The following TRPM8 variants were observed in gnomAD, a reference collection of about 807,000 sequenced individuals.
The protein encoded by TRPM8 is transient receptor potential cation channel subfamily M member 8, also known as TRPM8 cationic channel.
Under a neutral mutation model 133.7 loss-of-function variants are expected in TRPM8, and 110 were observed. The observed-to-expected ratio is 0.82, with a 90% confidence interval of 0.70 to 0.96. TRPM8 has a LOEUF of 0.96. Among genes scored for constraint, TRPM8 ranks in the 40% least tolerant of loss-of-function variants. The probability of loss-of-function intolerance (pLI) is 0.00; values close to 1 mark genes in which losing one functional copy is unlikely to be tolerated. For synonymous variants in TRPM8, 535 were observed against 532.3 expected (o/e 1.01, Z -0.07); for missense variants, 1,291 against 1,379.5 (o/e 0.94, Z 1.02).
intron 11 of TRPM8, among the ~76,000 whole-genome samples, chr2:233,957,525 C>CA (rs1033256444): frequency 5.3e-5 from 8 of 151,326 alleles, no homozygotes; most frequent in Admixed American, 3.9e-4. Context: ...ACCCAAAAAA[C>CA]AAAAAAACAA....
At chr2:234,014,955 G>A (rs1057096265) in intron 25 of TRPM8, among the ~76,000 whole-genome samples, 2 of 152,108 alleles carry the variant, frequency 1.3e-5, no homozygotes, top group African/African-American at 2.4e-5. Context: ...AGCTATTTTG[G>A]CATGAATTGA....
chr2:233,986,938 G>T (rs1034951175), intron 21 of TRPM8, among the ~76,000 whole-genome samples: 1 of 152,216 alleles, frequency 6.6e-6, no homozygotes, highest in Non-Finnish European at 1.5e-5. Flanking sequence ...CCCAGCAGAT[G>T]AACGAAAGTT....
intron 13 of TRPM8, 134 bp from the exon 14 acceptor site, chr2:233,964,494 G>A: frequency 1.4e-6 from 1 of 719,022 alleles, no homozygotes; most frequent in Non-Finnish European, 1.8e-6. Flanking sequence ...GGAGGTTGCA[G>A]TGAGCCAAGA....
chr2:234,000,431 G>A (rs997461186), intron 22 of TRPM8, among the ~76,000 whole-genome samples: 1 of 152,104 alleles, frequency 6.6e-6, no homozygotes, highest in Non-Finnish European at 1.5e-5. Flanking sequence ...TTTTAAAAAT[G>A]CATGAACTTG....
At chr2:234,007,110 G>A (rs1167094222) in intron 23 of TRPM8, among the ~76,000 whole-genome samples, 158 bp downstream of exon 23, 3 of 152,114 alleles carry the variant, frequency 2.0e-5, no homozygotes, top group South Asian at 2.1e-4. Flanking sequence ...GATGACAAAC[G>A]CGTAAGTGTG....
chr2:234,006,682 A>G (rs991026197), intron 22 of TRPM8, among the ~76,000 whole-genome samples, 171 bp from the exon 23 acceptor site: 10 of 152,202 alleles, frequency 6.6e-5, no homozygotes, highest in African/African-American at 2.2e-4. Flanking sequence ...AGCCATTACT[A>G]TTCCATCACT....
At position 233,966,651 on chromosome 2, in the gene TRPM8, G is replaced by A; in HGVS notation, c.1921G>A (p.Glu641Lys). ...ECYSSDEDLA[E>K]QLLVYSCEAW... ...TTACAGCAGCGATGAAGACTTGGCA[G>A]AACAGCTGCTGGTCTATTCCTGTGA... Residue 641 changes from glutamate to lysine, a missense_variant, in exon 15 of 26, where the codon GAA becomes AAA. Transcript: ENST00000324695. 1 of 1,614,152 alleles carries A rather than the reference G, an allele frequency of 6.2e-7. No homozygotes were observed. The highest frequency in any genetic ancestry group is 1.1e-5 in the South Asian group (1 of 91,070).
Position 233,996,407 on chromosome 2 carries a change from C to T in TRPM8, c.3021C>T (p.Ser1007=), listed in dbSNP as rs1370262444. 3 of 1,614,208 alleles carry T rather than the reference C, an allele frequency of 1.9e-6. No individual in the cohort carries two copies. The highest frequency in any genetic ancestry group is 3.3e-5 in the Admixed American group (2 of 60,024). ...ACTTCCTGGTGCAGGAGTACTGCAG[C>T]CGCCTCAATATCCCCTTCCCCTTCA... The part of the protein sequence containing the change: ...QRYFLVQEYC[S]RLNIPFPFIV... Residue 1007 remains serine (S), a synonymous_variant, in exon 22 of 26, where the codon AGC becomes AGT. Coordinates refer to ENST00000324695, the MANE Select transcript of TRPM8 (RefSeq NM_024080.5).
intron 3 of TRPM8, among the ~76,000 whole-genome samples, chr2:233,932,914 A>C (rs1691709264): frequency 2.0e-5 from 3 of 149,150 alleles, no homozygotes; most frequent in Non-Finnish European, 4.4e-5. Flanking sequence ...TTGCCACACT[A>C]GATGACCTAA....
At chr2:233,976,331 A>G (rs1450912563) in intron 17 of TRPM8, among the ~76,000 whole-genome samples, 1 of 152,178 alleles carries the variant, frequency 6.6e-6, no homozygotes, top group Non-Finnish European at 1.5e-5. Flanking sequence ...TCCTGTGTGC[A>G]TTTAGCTACT....
At chr2:233,920,126 C>A (rs1255174591) in intron 1 of TRPM8, among the ~76,000 whole-genome samples, 1 of 152,040 alleles carries the variant, frequency 6.6e-6, no homozygotes, top group East Asian at 1.9e-4. Flanking sequence ...TTTAATAAGT[C>A]CAGTGAGTCA....
At chr2:233,981,970 T>C in intron 19 of TRPM8, 55 bp downstream of exon 19, 1 of 1,531,300 alleles carries the variant, frequency 6.5e-7, no homozygotes, top group South Asian at 1.3e-5. Context: ...CCAGAGTTCT[T>C]TTAATGGTCG....
In TRPM8 at chr2:233,989,839, T is replaced by G. The variant is rs1428358534; in HGVS notation, c.2939+3974T>G. ...TGGCTTATCAGCGGCAGGAAGTGAA[T>G]TTAAAGTCAGTAAATGACTCCAGGT... On this transcript the variant is annotated intron_variant, in intron 21 of 25. Coordinates refer to ENST00000324695, the MANE Select transcript of TRPM8 (RefSeq NM_024080.5). This position sits in a 1 kb window ranked among gnomAD's most constrained non-coding sequence, Gnocchi z 4.2. 6.6e-6 allele frequency among the ~76,000 whole-genome samples: 1 copy of G among 152,140 alleles called. No homozygotes were observed. Among genetic ancestry groups the G allele is most frequent in the African/African-American group, 2.4e-5 (1 of 41,428 alleles).
At chr2:233,953,617 A>G (rs1691222537) in intron 9 of TRPM8, 1 of 204,220 alleles carries the variant, frequency 4.9e-6, no homozygotes, top group Admixed American at 5.8e-5. Flanking sequence ...TTAATAACTG[A>G]GCATCTGCCA....
At position 233,986,119 on chromosome 2, in the gene TRPM8, G is replaced by A. The variant is rs11563127; in HGVS notation, c.2939+254G>A. Among the ~76,000 whole-genome samples the A allele has an allele frequency of 5.0e-3, 755 of 152,300 alleles. 10 individuals carry two copies. The highest frequency in any genetic ancestry group is 0.017 in the African/African-American group (724 of 41,562). On this transcript the variant is annotated intron_variant, in intron 21 of 25. Coordinates refer to ENST00000324695, the MANE Select transcript of TRPM8 (RefSeq NM_024080.5). ...TTCATCAAATCCAGACTGCATATTT[G>A]GCATCCATTTAGCAAGCTCTTTGGA... is the stretch of plus-strand genomic sequence containing the variant.
chr2:233,924,184 A>G (rs766497286), intron 1 of TRPM8, among the ~76,000 whole-genome samples: 4 of 152,208 alleles, frequency 2.6e-5, no homozygotes, highest in Non-Finnish European at 4.4e-5. Context: ...TGGGCAAGTC[A>G]GGAGCGGAAG....
chr2:233,977,788 G>A (rs1178160070), intron 17 of TRPM8, among the ~76,000 whole-genome samples: 2 of 152,178 alleles, frequency 1.3e-5, no homozygotes, highest in African/African-American at 4.8e-5. Context: ...GATAATAATG[G>A]TTATTGGCAG....
In TRPM8 at chr2:233,924,559, A is replaced by T. The variant is rs530351676; in HGVS notation, c.-5-1974A>T. 4.6e-5 allele frequency among the ~76,000 whole-genome samples: 7 copies of T among 152,304 alleles called. No homozygotes were observed. In the East Asian group the frequency reaches 1.3e-3, roughly 29 times the overall value. Reference sequence around the variant, plus strand: ...AGCTGCTATCTAAGACTGTATGCCAAGACCCAGTCAACCAACTTGAATATC... The same window carrying T: ...AGCTGCTATCTAAGACTGTATGCCATGACCCAGTCAACCAACTTGAATATC... On this transcript the variant is annotated intron_variant, in intron 1 of 25. Transcript: ENST00000324695.
chr2:233,953,354 A>C (rs1484930413), intron 9 of TRPM8, among the ~76,000 whole-genome samples: 3 of 152,230 alleles, frequency 2.0e-5, no homozygotes, highest in African/African-American at 7.2e-5. Flanking sequence ...CTTCTCACCA[A>C]GCTCCAGCTG....
Sources: gnomAD v4.1 joint callset for allele counts (sites outside exome capture counted in the v4.1 genomes callset) on GRCh38, gnomAD v4.1.1 for gene constraint, Gnocchi (gnomAD v3.1) non-coding constraint, MANE v1.5 for transcripts, NCBI Gene and HGNC (gene_info 2026-07-23, HGNC 2026-07-21) for gene names.